Variants in KNCN observed in about 807,000 individuals in gnomAD.
KNCN encodes the protein kinocilin.
Under a neutral mutation model 10.4 loss-of-function variants are expected in KNCN, and 11 were observed. The ratio of observed to expected loss-of-function variants is 1.06; its 90% confidence interval spans 0.67 to 1.75. The LOEUF (loss-of-function observed/expected upper bound fraction) is 1.75, where lower values mean the gene tolerates loss of function less well. Among genes scored for constraint, KNCN ranks in the 40% most tolerant of loss-of-function variants. The pLI, the probability that KNCN is intolerant of heterozygous loss-of-function variation, is 0.00. For missense variants in KNCN, 172 were observed against 167.1 expected (o/e 1.03, Z -0.16); for synonymous variants, 67 against 71.6 (o/e 0.94, Z 0.33).
At position 46,546,915 on chromosome 1, in the gene KNCN, GCAGA is replaced by G. The variant is rs1666954873; in HGVS notation, c.*811_*814del. On this transcript the variant is annotated 3_prime_UTR_variant, in exon 4 of 4. Coordinates refer to ENST00000481882, the MANE Select transcript of KNCN (RefSeq NM_001322255.2). Reference sequence around the variant, plus strand: ...ACTTTAAAAGTGGGGTGTTTGATAGGCAGACAGAAGCAGGGAGGGTGCTGGAGAA... The same window carrying G: ...ACTTTAAAAGTGGGGTGTTTGATAGGCAGAAGCAGGGAGGGTGCTGGAGAA... The G allele has an allele frequency of 6.4e-6, 1 of 156,908 alleles. No individual in the cohort carries two copies. The highest frequency in any genetic ancestry group is 1.4e-5 in the Non-Finnish European group (1 of 70,606). The allele number at this position is 156,908 out of a possible 1,614,324, so 9.7% of individuals were successfully genotyped here. A position where few individuals can be genotyped will look rare whatever the true frequency, so the allele number is the denominator to read the frequency against.
Position 46,547,868 on chromosome 1 carries a change from A to C in KNCN, c.296-59T>G, listed in dbSNP as rs113853244. ...GTAGACAGGTCCCCATGGAGTTGTC[A>C]GGGTCAGAGGAACTCAGAGGGACCC... On this transcript the variant is annotated intron_variant, in intron 3 of 3. Transcript: ENST00000481882. The C allele has an allele frequency of 7.7e-6, 10 of 1,304,500 alleles. No individual in the cohort carries two copies. The African/African-American group carries it at 9.0e-5, about 12-fold the overall frequency. 80.8% of individuals were successfully genotyped at this position (1,304,500 alleles called of 1,614,324 possible).
rs977261606 is a variant in KNCN, at chr1:46,550,012, G to C, written c.152-10C>G. On this transcript the variant is annotated splice_polypyrimidine_tract_variant and intron_variant, in intron 1 of 3. Transcript: ENST00000481882. ...GCCAAGATGAGGAGCCCTGAGAAGA[G>C]ACACAGGGGGTTCTGTGATGGGGAG... The C allele has an allele frequency of 2.8e-5, 44 of 1,550,564 alleles. No homozygotes were observed. Among genetic ancestry groups the C allele is most frequent in the Non-Finnish European group, 3.7e-5 (42 of 1,146,980 alleles).
rs1026525819 is a variant in KNCN, at chr1:46,551,640, C to T, written c.-425G>A. The T allele has an allele frequency of 1.9e-5, 3 of 158,562 alleles. No individual in the cohort carries two copies. Among genetic ancestry groups the T allele is most frequent in the African/African-American group, 7.2e-5 (3 of 41,594 alleles). The allele number at this position is 158,562 out of a possible 1,614,324, so 9.8% of individuals were successfully genotyped here. On this transcript the variant is annotated 5_prime_UTR_variant, in exon 1 of 4. Coordinates refer to ENST00000481882, the MANE Select transcript of KNCN (RefSeq NM_001322255.2). The surrounding 1 kb of genome is among the most constrained non-coding windows in gnomAD (Gnocchi z 4.0). ...ACATCCTGCCCCAGCTTCCTAGAGC[C>T]ACTTACTTGCCACTGAACCTCAGCC...
chr1:46,545,891 A>G lies in KNCN; in HGVS notation c.*1839T>C, dbSNP rs1030064339. On this transcript the variant is annotated 3_prime_UTR_variant, in exon 4 of 4. Coordinates refer to ENST00000481882, the MANE Select transcript of KNCN (RefSeq NM_001322255.2). Reference sequence around the variant, plus strand: ...GATGGATAGGAGGAAGGGTCTCCTCATTGATTGAGGAGGGACCAGCAGCCT... The same window carrying G: ...GATGGATAGGAGGAAGGGTCTCCTCGTTGATTGAGGAGGGACCAGCAGCCT... The G allele has an allele frequency of 2.0e-5, 3 of 152,282 alleles. No homozygotes were observed. Among genetic ancestry groups the G allele is most frequent in the Non-Finnish European group, 4.4e-5 (3 of 68,100 alleles). 9.4% of individuals were successfully genotyped at this position (152,282 alleles called of 1,614,324 possible).
intron 3 of KNCN, 48 bp downstream of exon 3, chr1:46,549,141 CAAAA>C (rs749743161): frequency 2.5e-6 from 2 of 798,092 alleles, no homozygotes; most frequent in Non-Finnish European, 3.4e-6. Flanking sequence ...AACTCTGTCT[CAAAA>C]AAAAAAAAGA....
Position 46,546,177 on chromosome 1 carries a change from G to T in KNCN, c.*1553C>A, listed in dbSNP as rs967380198. On this transcript the variant is annotated 3_prime_UTR_variant, in exon 4 of 4. Transcript: ENST00000481882. Reference sequence around the variant, plus strand: ...ATAGGGAGAGATAGGAGACCTGGCTGCAGGCCTGGCCCCGTGATCTTTCAC... The same window carrying T: ...ATAGGGAGAGATAGGAGACCTGGCTTCAGGCCTGGCCCCGTGATCTTTCAC... 4 of 152,196 alleles carry T rather than the reference G, an allele frequency of 2.6e-5. No individual in the cohort carries two copies. The highest frequency in any genetic ancestry group is 4.4e-5 in the Non-Finnish European group (3 of 68,068). The allele number at this position is 152,196 out of a possible 1,614,324, so 9.4% of individuals were successfully genotyped here. A position where few individuals can be genotyped will look rare whatever the true frequency, so the allele number is the denominator to read the frequency against.
Position 46,549,917 on chromosome 1 carries a change from T to C in KNCN, c.220+17A>G, listed in dbSNP as rs375800021. ...TCCTTGGCAGAGGGGTCTGCTGGGG[T>C]CAGGGAGAGGCCTCACCTATGGTAG... On this transcript the variant is annotated intron_variant, in intron 2 of 3. Transcript: ENST00000481882. 2.6e-6 allele frequency: 4 copies of C among 1,549,798 alleles called. No individual in the cohort carries two copies. The highest frequency in any genetic ancestry group is 2.4e-5 in the East Asian group (1 of 40,892).
At position 46,549,820 on chromosome 1, in the gene KNCN, C is replaced by CG. The variant is rs112106037; in HGVS notation, c.220+113dup. ...CAGCAGCTCTAACACAGACAGCTAG[C>CG]GCGGTCTCACACATGGGCTCATCCC... On this transcript the variant is annotated intron_variant, in intron 2 of 3. Transcript: ENST00000481882. The CG allele has an allele frequency of 5.8e-5, 84 of 1,460,706 alleles. 1 individual carries two copies. In the African/African-American group the frequency reaches 8.1e-4, roughly 14 times the overall value. 90.5% of individuals were successfully genotyped at this position (1,460,706 alleles called of 1,614,324 possible). A position where few individuals can be genotyped will look rare whatever the true frequency, so the allele number is the denominator to read the frequency against.
Position 46,547,581 on chromosome 1 carries a change from G to C in KNCN, c.*149C>G, listed in dbSNP as rs1258039. 345 of 728,860 alleles carry C rather than the reference G, an allele frequency of 4.7e-4. 1 individual carries two copies. The African/African-American group carries it at 5.6e-3, about 12-fold the overall frequency. 45.1% of individuals were successfully genotyped at this position (728,860 alleles called of 1,614,324 possible). A position where few individuals can be genotyped will look rare whatever the true frequency, so the allele number is the denominator to read the frequency against. On this transcript the variant is annotated 3_prime_UTR_variant, in exon 4 of 4. Transcript: ENST00000481882. Reference sequence around the variant, plus strand: ...AGGCTTGGCCGGGCGAGTGCAAAAGGCCCCATTCCAGACACTGTTCCCAGC... The same window carrying C: ...AGGCTTGGCCGGGCGAGTGCAAAAGCCCCCATTCCAGACACTGTTCCCAGC...
Position 46,547,629 on chromosome 1 carries a change from G to T in KNCN, c.*101C>A. The T allele has an allele frequency of 1.1e-6, 1 of 919,440 alleles. No individual in the cohort carries two copies. Among genetic ancestry groups the T allele is most frequent in the Non-Finnish European group, 1.8e-6 (1 of 569,754 alleles). The allele number at this position is 919,440 out of a possible 1,614,324, so 57.0% of individuals were successfully genotyped here. On this transcript the variant is annotated 3_prime_UTR_variant, in exon 4 of 4. Transcript: ENST00000481882. ...AGCCGCTCTGGGGTCTGCAGGGCCT[G>T]GCTTGTCTCCGGTCCGGGTCTCCTA...
At chr1:46,549,323 G>A (rs1353404385) in intron 2 of KNCN, 56 bp from the exon 3 acceptor site, 10 of 1,371,828 alleles carry the variant, frequency 7.3e-6, no homozygotes, top group South Asian at 5.2e-5. Flanking sequence ...CCCAAATCAA[G>A]CCTAGGTTGG....
Position 46,551,355 on chromosome 1 carries a change from G to A in KNCN, c.-140C>T, listed in dbSNP as rs903846113. On this transcript the variant is annotated 5_prime_UTR_variant, in exon 1 of 4. Coordinates refer to ENST00000481882, the MANE Select transcript of KNCN (RefSeq NM_001322255.2). The surrounding 1 kb of genome is among the most constrained non-coding windows in gnomAD (Gnocchi z 4.0). The stretch of plus-strand genomic sequence containing the variant: ...TTTCTGGGCAGTAAGATGATAGGTG[G>A]GGAACCCTGGGATTTATCTGCAGTC... 6.9e-6 allele frequency: 6 copies of A among 870,862 alleles called. No homozygotes were observed. The highest frequency in any genetic ancestry group is 6.8e-6 in the Non-Finnish European group (4 of 587,756). 53.9% of individuals were successfully genotyped at this position (870,862 alleles called of 1,614,324 possible).
chr1:46,547,931 G>A, intron 3 of KNCN, 122 bp from the exon 4 acceptor site: 1 of 629,142 alleles, frequency 1.6e-6, no homozygotes, highest in Non-Finnish European at 2.7e-6. Context: ...GGCAGAGCTG[G>A]GATAGAATGG....
At chr1:46,550,122 G>A in intron 1 of KNCN, 120 bp from the exon 2 acceptor site, 1 of 1,523,132 alleles carries the variant, frequency 6.6e-7, no homozygotes, top group East Asian at 2.5e-5. Context: ...GAGGAGCACA[G>A]TGTGCAGACT....
At chr1:46,549,865 G>A in intron 2 of KNCN, 69 bp downstream of exon 2, 3 of 1,550,030 alleles carry the variant, frequency 1.9e-6, no homozygotes, top group Non-Finnish European at 2.6e-6. Context: ...GTGGGTCACA[G>A]ACGAGCACAC....
Position 46,547,877 on chromosome 1 carries a change from G to T in KNCN, c.296-68C>A, listed in dbSNP as rs536399167. 8.0e-5 allele frequency: 97 copies of T among 1,205,880 alleles called. 1 individual carries two copies. The African/African-American group carries it at 1.4e-3, about 17-fold the overall frequency. The allele number at this position is 1,205,880 out of a possible 1,614,324, so 74.7% of individuals were successfully genotyped here. A position where few individuals can be genotyped will look rare whatever the true frequency, so the allele number is the denominator to read the frequency against. ...TCCCCATGGAGTTGTCAGGGTCAGA[G>T]GAACTCAGAGGGACCCAAGGCCGGG... is the stretch of plus-strand genomic sequence containing the variant. On this transcript the variant is annotated intron_variant, in intron 3 of 3. Coordinates refer to ENST00000481882, the MANE Select transcript of KNCN (RefSeq NM_001322255.2).
chr1:46,549,101 A>G (rs965217519), intron 3 of KNCN, 92 bp downstream of exon 3: 11 of 945,576 alleles, frequency 1.2e-5, no homozygotes, highest in South Asian at 1.6e-5. Context: ...AGATCATGCC[A>G]TTGCACTCCA....
At chr1:46,548,165 A>T (rs917774352) in intron 3 of KNCN, among the ~76,000 whole-genome samples, 4 of 152,162 alleles carry the variant, frequency 2.6e-5, no homozygotes, top group African/African-American at 9.7e-5. Context: ...AATGAAACTA[A>T]TGATAGTGCT....
Position 46,551,281 on chromosome 1 carries a change from C to G in KNCN, c.-66G>C. 1 of 1,544,064 alleles carries G rather than the reference C, an allele frequency of 6.5e-7. No homozygotes were observed. The highest frequency in any genetic ancestry group is 8.7e-7 in the Non-Finnish European group (1 of 1,149,252). On this transcript the variant is annotated 5_prime_UTR_variant, in exon 1 of 4. Coordinates refer to ENST00000481882, the MANE Select transcript of KNCN (RefSeq NM_001322255.2). The surrounding 1 kb of genome is among the most constrained non-coding windows in gnomAD (Gnocchi z 4.0). The stretch of plus-strand genomic sequence containing the variant: ...GGCCCCAGAAAAGTCCTGGAAGTTT[C>G]TGGGCTCTTGGATGTCTCCTTGTTG...
Sources: gnomAD v4.1 joint callset for allele counts (sites outside exome capture counted in the v4.1 genomes callset) on GRCh38, gnomAD v4.1.1 for gene constraint, Gnocchi (gnomAD v3.1) non-coding constraint, MANE v1.5 for transcripts, NCBI Gene and HGNC (gene_info 2026-07-23, HGNC 2026-07-21) for gene names.